BIK: variants seen among roughly 807,000 people sequenced by gnomAD.
The protein encoded by BIK is BCL2 interacting killer, also known as bcl-2-interacting killer.
A neutral mutation model predicts 12.1 loss-of-function variants in BIK; 14 were observed. That is an observed-to-expected ratio of 1.16 (90% CI 0.77 to 1.81). The LOEUF is 1.81. Among genes scored for constraint, BIK ranks in the 40% most tolerant of loss-of-function variants. The probability of loss-of-function intolerance (pLI) is 0.00; values close to 1 mark genes in which losing one functional copy is unlikely to be tolerated. For synonymous variants in BIK, 86 were observed against 92.3 expected (o/e 0.93, Z 0.39); for missense variants, 215 against 207.9 (o/e 1.03, Z -0.21).
chr22:43,127,278 A>G (rs980096883), intron 2 of BIK, among the ~76,000 whole-genome samples: 1 of 151,908 alleles, frequency 6.6e-6, no homozygotes, highest in Non-Finnish European at 1.5e-5. Flanking sequence ...GTAAGCTGCA[A>G]CCCCTGTGGG....
intron 2 of BIK, among the ~76,000 whole-genome samples, chr22:43,126,029 CTT>C (rs536702353): frequency 3.9e-4 from 55 of 140,574 alleles, no homozygotes; most frequent in South Asian, 6.8e-4. Flanking sequence ...AGGACCTGCA[CTT>C]TTTTTTTTTT....
At chr22:43,113,293 A>C (rs573702388) in intron 1 of BIK, among the ~76,000 whole-genome samples, 1 of 152,268 alleles carries the variant, frequency 6.6e-6, no homozygotes, top group African/African-American at 2.4e-5. Flanking sequence ...GGCTGCATAC[A>C]TGTTAGTTAT....
At position 43,124,092 on chromosome 22, in the gene BIK, C is replaced by T; in HGVS notation, c.70C>T (p.Pro24Ser). 2 of 1,614,152 alleles carry T rather than the reference C, an allele frequency of 1.2e-6. No homozygotes were observed. Among genetic ancestry groups the T allele is most frequent in the African/African-American group, 1.3e-5 (1 of 75,022 alleles). ...CCTCCTGTATGAGCAGCTCCTGGAA[C>T]CCCCGACCATGGAGGTTCTTGGCAT... ...ETLLYEQLLEPPTMEVLGMTD... is the reference protein window; with the variant it reads ...ETLLYEQLLESPTMEVLGMTD... Residue 24 changes from proline (P) to serine (S), a missense_variant, in exon 2 of 5, where the codon CCC becomes TCC. Pro to Ser is a moderately conservative substitution (Grantham distance 74). Coordinates refer to ENST00000216115, the MANE Select transcript of BIK (RefSeq NM_001197.5).
chr22:43,122,682 G>A (rs1466429833), intron 1 of BIK, among the ~76,000 whole-genome samples: 1 of 152,176 alleles, frequency 6.6e-6, no homozygotes, highest in Non-Finnish European at 1.5e-5. Flanking sequence ...ATCATAGTTA[G>A]GAAGGCCTTT....
At chr22:43,118,478 G>A (rs537029589) in intron 1 of BIK, among the ~76,000 whole-genome samples, 7 of 152,174 alleles carry the variant, frequency 4.6e-5, no homozygotes, top group Non-Finnish European at 1.0e-4. Flanking sequence ...AGCAGGGGCC[G>A]AGCAGGGGGT....
intron 1 of BIK, among the ~76,000 whole-genome samples, chr22:43,121,740 A>C (rs1451805151): frequency 1.3e-5 from 2 of 152,202 alleles, no homozygotes; most frequent in African/African-American, 4.8e-5. Flanking sequence ...TTCTGGACAC[A>C]GTTCTTCTAA....
At position 43,111,268 on chromosome 22, in the gene BIK, G is replaced by C. The variant is rs4988377; in HGVS notation, c.-8+465G>C. ...AAGAGGGAAGATGGCGTCGTGCCCG[G>C]TGCCGCCGGGACCGGCTCCCGGAGG... On this transcript the variant is annotated intron_variant, in intron 1 of 4. Coordinates refer to ENST00000216115, the MANE Select transcript of BIK (RefSeq NM_001197.5). Among the ~76,000 whole-genome samples, 88 of 152,302 alleles carry C rather than the reference G, an allele frequency of 5.8e-4. No individual in the cohort carries two copies. The East Asian group carries it at 0.015, about 26-fold the overall frequency.
At chr22:43,128,659 G>A (rs192349136) in intron 4 of BIK, 34 bp downstream of exon 4, 52 of 1,577,416 alleles carry the variant, frequency 3.3e-5, no homozygotes, top group East Asian at 3.1e-4. Context: ...CCTGACTTGC[G>A]CTGCGGCCAG....
At chr22:43,112,180 A>G (rs1336184321) in intron 1 of BIK, among the ~76,000 whole-genome samples, 1 of 152,004 alleles carries the variant, frequency 6.6e-6, no homozygotes, top group Non-Finnish European at 1.5e-5. Context: ...GGAATGGCAC[A>G]GTTTGGGTGT....
At chr22:43,127,411 C>T (rs1214197868) in intron 2 of BIK, among the ~76,000 whole-genome samples, 2 of 152,204 alleles carry the variant, frequency 1.3e-5, no homozygotes, top group South Asian at 2.1e-4. Flanking sequence ...TCCCCTTGTC[C>T]ACCATTTCCA....
At chr22:43,116,158 C>G (rs1331391121) in intron 1 of BIK, among the ~76,000 whole-genome samples, 2 of 152,222 alleles carry the variant, frequency 1.3e-5, no homozygotes, top group East Asian at 3.8e-4. Flanking sequence ...AAGGCACAGG[C>G]TTCCCCTTTT....
At chr22:43,113,761 CT>C (rs1341343144) in intron 1 of BIK, among the ~76,000 whole-genome samples, 1 of 152,208 alleles carries the variant, frequency 6.6e-6, no homozygotes, top group East Asian at 1.9e-4. Context: ...TTTAGTGAAC[CT>C]ATTAAATGTG....
intron 1 of BIK, among the ~76,000 whole-genome samples, chr22:43,115,965 C>A (rs781037779): frequency 6.6e-6 from 1 of 150,684 alleles, no homozygotes; most frequent in Non-Finnish European, 1.5e-5. Flanking sequence ...CCATGTTGAC[C>A]GGGGGGTCTT....
Position 43,114,520 on chromosome 22 carries a change from C to T in BIK, c.-8+3717C>T, listed in dbSNP as rs573935444. Among the ~76,000 whole-genome samples, 846 of 152,280 alleles carry T rather than the reference C, an allele frequency of 5.6e-3. 7 individuals carry two copies. The highest frequency in any genetic ancestry group is 0.018 in the African/African-American group (764 of 41,552). On this transcript the variant is annotated intron_variant, in intron 1 of 4. Coordinates refer to ENST00000216115, the MANE Select transcript of BIK (RefSeq NM_001197.5). Reference sequence around the variant, plus strand: ...GTTTCACCACGTTGGCCAGGTTGGTCTTGAACTCCTGACCTTGTGATCCGC... The same window carrying T: ...GTTTCACCACGTTGGCCAGGTTGGTTTTGAACTCCTGACCTTGTGATCCGC...
At chr22:43,127,871 C>A in intron 3 of BIK, 76 bp downstream of exon 3, 1 of 1,369,714 alleles carries the variant, frequency 7.3e-7, no homozygotes, top group Non-Finnish European at 1.0e-6. Flanking sequence ...GAACACAGCA[C>A]AGGGCTGGGC....
At chr22:43,112,769 G>A (rs966390620) in intron 1 of BIK, among the ~76,000 whole-genome samples, 1 of 152,048 alleles carries the variant, frequency 6.6e-6, no homozygotes, top group Non-Finnish European at 1.5e-5. Flanking sequence ...ACCGGGCATG[G>A]TGGCATGTGC....
intron 1 of BIK, among the ~76,000 whole-genome samples, chr22:43,121,155 AAT>A (rs1376515993): frequency 6.6e-6 from 1 of 152,180 alleles, no homozygotes; most frequent in Admixed American, 6.6e-5. Context: ...CAGCCTGGGC[AAT>A]AGAGTGAGAC....
In BIK at chr22:43,124,090, A is replaced by G; in HGVS notation, c.68A>G (p.Glu23Gly). 2 of 1,614,116 alleles carry G rather than the reference A, an allele frequency of 1.2e-6. No homozygotes were observed. Among genetic ancestry groups the G allele is most frequent in the Non-Finnish European group, 1.7e-6 (2 of 1,179,994 alleles). The stretch of plus-strand genomic sequence containing the variant: ...ACCCTCCTGTATGAGCAGCTCCTGG[A>G]ACCCCCGACCATGGAGGTTCTTGGC... ...METLLYEQLL[E>G]PPTMEVLGMT... Residue 23 changes from glutamate to glycine, a missense_variant, in exon 2 of 5, where the codon GAA becomes GGA. Physicochemically the swap from Glu to Gly is moderately conservative, Grantham distance 98. Coordinates refer to ENST00000216115, the MANE Select transcript of BIK (RefSeq NM_001197.5).
Position 43,129,281 on chromosome 22 carries a change from G to A in BIK, c.459G>A (p.Gly153=), listed in dbSNP as rs560282375. Residue 153 remains glycine, a synonymous_variant, in exon 5 of 5, where the codon GGG becomes GGA. Transcript: ENST00000216115. ...CGCTGCTGCTGCCGCTGCTCAGCGG[G>A]GGCCTGCACCTGCTGCTCAAGTGAG... ...LLALLLPLLS[G]GLHLLLK 1.4e-5 allele frequency: 22 copies of A among 1,601,200 alleles called. No individual in the cohort carries two copies. The Middle Eastern group carries it at 6.6e-4, about 48-fold the overall frequency.
Sources: allele counts gnomAD v4.1 joint callset (sites outside exome capture counted in the v4.1 genomes callset), GRCh38; gene constraint gnomAD v4.1.1; transcripts MANE v1.5; gene names NCBI Gene and HGNC (gene_info 2026-07-23, HGNC 2026-07-21).